The following RGS6 variants were observed in gnomAD, a reference collection of about 807,000 sequenced individuals.
The protein encoded by RGS6 is regulator of G protein signaling 6.
Under a neutral mutation model 78.5 loss-of-function variants are expected in RGS6, and 30 were observed. The ratio of observed to expected loss-of-function variants is 0.38; its 90% CI spans 0.29 to 0.52. The LOEUF (loss-of-function observed/expected upper bound fraction) is 0.52. RGS6 is among the 20% of genes least tolerant of loss of function. The probability of loss-of-function intolerance (pLI) is 0.85; values close to 1 mark genes in which losing one functional copy is unlikely to be tolerated. For missense variants in RGS6, 495 were observed against 609.7 expected (o/e 0.81, Z 1.98); for synonymous variants, 206 against 206.0 (o/e 1.00, Z 0.00).
chr14:72,178,192 A>G (rs1474607500), intron 2 of RGS6, among the ~76,000 whole-genome samples: 2 of 152,240 alleles, frequency 1.3e-5, no homozygotes, highest in Non-Finnish European at 2.9e-5. Flanking sequence ...AGTTACAGTC[A>G]CTGTAGCTAG....
the RGS6 span, among the ~76,000 whole-genome samples, chr14:72,612,993 CGTGTGTGTGTGTGTGTGTGTGT>C: frequency 2.7e-5 from 4 of 148,954 alleles, no homozygotes; most frequent in South Asian, 4.4e-4. Flanking sequence ...TTAAGTAGGG[CGTGTGTGTGTGTGTGTGTGTGT>C]GTGTGTGTGT....
chr14:72,098,853 A>G (rs907293685), intron 2 of RGS6, among the ~76,000 whole-genome samples: 1 of 152,160 alleles, frequency 6.6e-6, no homozygotes, highest in Non-Finnish European at 1.5e-5. Context: ...TGTCTATCAT[A>G]TGTGCTGCTG....
intron 2 of RGS6, among the ~76,000 whole-genome samples, chr14:72,127,870 CT>C (rs1297416368): frequency 6.6e-6 from 1 of 152,186 alleles, no homozygotes; most frequent in African/African-American, 2.4e-5. Flanking sequence ...AATTTGTTCT[CT>C]GTTTCTATAA....
chr14:72,266,873 TG>T (rs1258201000), intron 2 of RGS6, among the ~76,000 whole-genome samples: 1 of 152,200 alleles, frequency 6.6e-6, no homozygotes, highest in Non-Finnish European at 1.5e-5. Context: ...TATCCTGCGG[TG>T]CAGCACCTCA....
chr14:71,926,080 A>G, the RGS6 span, among the ~76,000 whole-genome samples: 1 of 152,224 alleles, frequency 6.6e-6, no homozygotes, highest in Non-Finnish European at 1.5e-5. Flanking sequence ...GTCAAAATGT[A>G]TATGCTACCC....
intron 2 of RGS6, among the ~76,000 whole-genome samples, chr14:72,317,408 G>T (rs1455794812): frequency 1.3e-5 from 2 of 152,108 alleles, no homozygotes; most frequent in Non-Finnish European, 2.9e-5. Flanking sequence ...AGAATTAAAA[G>T]GTCAATGATT....
chr14:72,408,062 T>C (rs1197001278), intron 3 of RGS6, among the ~76,000 whole-genome samples: 1 of 152,248 alleles, frequency 6.6e-6, no homozygotes, highest in Non-Finnish European at 1.5e-5. Flanking sequence ...AAAAAAGTTG[T>C]ATTTAAATCA....
At chr14:72,015,490 A>G (rs2086752236) in intron 2 of RGS6, among the ~76,000 whole-genome samples, 1 of 152,230 alleles carries the variant, frequency 6.6e-6, no homozygotes, top group Non-Finnish European at 1.5e-5. Context: ...AAGAGTCTTC[A>G]TCTGTTCACC....
At chr14:72,545,522 G>A (rs1346385056) in intron 17 of RGS6, among the ~76,000 whole-genome samples, 1 of 152,144 alleles carries the variant, frequency 6.6e-6, no homozygotes, top group Non-Finnish European at 1.5e-5. Context: ...GTCCCTTCCA[G>A]CTAGCGGTGT....
chr14:72,251,533 C>T (rs1163951145), intron 2 of RGS6, among the ~76,000 whole-genome samples: 1 of 152,152 alleles, frequency 6.6e-6, no homozygotes, highest in African/African-American at 2.4e-5. Flanking sequence ...CATGCCAAAG[C>T]ACTTTACTTT....
At chr14:72,540,310 G>C (rs2097307283) in intron 17 of RGS6, 2 of 1,489,256 alleles carry the variant, frequency 1.3e-6, no homozygotes, top group Non-Finnish European at 1.8e-6. Flanking sequence ...TCCCTCTGCA[G>C]AAGGTGCACC....
intron 2 of RGS6, among the ~76,000 whole-genome samples, chr14:72,318,882 C>A (rs529660925): frequency 6.6e-6 from 1 of 152,164 alleles, no homozygotes; most frequent in Non-Finnish European, 1.5e-5. Context: ...TGTGGCACTA[C>A]GGCAGCCTGT....
intron 3 of RGS6, among the ~76,000 whole-genome samples, chr14:72,379,889 G>A (rs183472900): frequency 6.6e-6 from 1 of 152,184 alleles, no homozygotes; most frequent in East Asian, 1.9e-4. Context: ...AACATAGTTA[G>A]AGGTATCACA....
At chr14:72,378,663 G>T (rs576450144) in intron 3 of RGS6, among the ~76,000 whole-genome samples, 1 of 151,924 alleles carries the variant, frequency 6.6e-6, no homozygotes, top group South Asian at 2.1e-4. Flanking sequence ...AACCTGAATA[G>T]GTCAATAACA....
At chr14:72,552,085 A>AGAT (rs1297831534) in intron 17 of RGS6, among the ~76,000 whole-genome samples, 1 of 152,238 alleles carries the variant, frequency 6.6e-6, no homozygotes, top group African/African-American at 2.4e-5. Context: ...ATATTCTGCA[A>AGAT]GATAGGCATC....
At chr14:72,254,808 G>T (rs2056707669) in intron 2 of RGS6, among the ~76,000 whole-genome samples, 2 of 152,164 alleles carry the variant, frequency 1.3e-5, no homozygotes, top group African/African-American at 4.8e-5. Context: ...GTACAAGTCT[G>T]TGCCTCAGGG....
Position 72,281,267 on chromosome 14 carries a change from G to A in RGS6, c.85-70828G>A, listed in dbSNP as rs138850237. 2.4e-3 allele frequency among the ~76,000 whole-genome samples: 366 copies of A among 150,386 alleles called. 1 individual carries two copies. The highest frequency in any genetic ancestry group is 8.7e-3 in the African/African-American group (357 of 40,810). The stretch of plus-strand genomic sequence containing the variant: ...AGGTTCCAGTGATTCTCCTGCCTCA[G>A]CCTCCTGAGTAGCTGGGATTACAGG... On this transcript the variant is annotated intron_variant, in intron 2 of 17. Coordinates refer to ENST00000553525, the MANE Select transcript of RGS6 (RefSeq NM_001204424.2).
intron 2 of RGS6, among the ~76,000 whole-genome samples, chr14:72,016,457 G>A (rs1318857300): frequency 6.6e-6 from 1 of 151,950 alleles, no homozygotes; most frequent in Non-Finnish European, 1.5e-5. Flanking sequence ...GTGCTGCCTC[G>A]CGGGTTCACG....
the RGS6 span, among the ~76,000 whole-genome samples, chr14:72,588,584 C>A: frequency 2.6e-5 from 4 of 152,188 alleles, no homozygotes; most frequent in Non-Finnish European, 4.4e-5. Context: ...CTTCCCCCTT[C>A]TGAGTAATGA....
Sources: allele counts gnomAD v4.1 joint callset (sites outside exome capture counted in the v4.1 genomes callset), GRCh38; gene constraint gnomAD v4.1.1; transcripts MANE v1.5; gene names NCBI Gene and HGNC (gene_info 2026-07-23, HGNC 2026-07-21).